Variants in CFAP20DC observed in about 807,000 individuals in gnomAD.
CFAP20DC encodes the protein CFAP20 domain containing.
Under a neutral mutation model 101.7 loss-of-function variants are expected in CFAP20DC, and 84 were observed. The observed-to-expected ratio is 0.83, with a 90% CI of 0.69 to 0.99. CFAP20DC has a LOEUF of 0.99. Ranked by LOEUF, CFAP20DC falls within the 50% of genes least tolerant of loss-of-function variation. The probability of loss-of-function intolerance (pLI) is 0.00; values close to 1 mark genes in which losing one functional copy is unlikely to be tolerated. For missense variants in CFAP20DC, 1,007 were observed against 970.3 expected (o/e 1.04, Z -0.50); for synonymous variants, 359 against 351.2 (o/e 1.02, Z -0.25).
chr3:58,900,174 G>A (rs1245666897), intron 6 of CFAP20DC, among the ~76,000 whole-genome samples: 5 of 152,144 alleles, frequency 3.3e-5, no homozygotes, highest in African/African-American at 7.2e-5. Flanking sequence ...GAAGGACTCT[G>A]GTGCATTCTA....
chr3:58,934,036 A>G (rs560613633), intron 5 of CFAP20DC, among the ~76,000 whole-genome samples: 1 of 152,214 alleles, frequency 6.6e-6, no homozygotes, highest in Non-Finnish European at 1.5e-5. Context: ...AAGACTAATA[A>G]AGAAGAAAAC....
rs1290049607 is a variant in CFAP20DC at position 58,882,982 on chromosome 3, T to A, written c.715+1563A>T. On this transcript the variant is annotated intron_variant, in intron 7 of 16. Transcript: ENST00000482387. This position sits in a 1 kb window ranked among gnomAD's most constrained non-coding sequence, Gnocchi z 4.2. ...GGTTACCAAATAGGTCCCAGTTCTC[T>A]GGGAATATACAATTTAGGACATGCA... 6.6e-6 allele frequency among the ~76,000 whole-genome samples: 1 copy of A among 152,222 alleles called. No homozygotes were observed. Among genetic ancestry groups the A allele is most frequent in the Non-Finnish European group, 1.5e-5 (1 of 68,042 alleles).
At chr3:58,918,897 C>A (rs1416942565) in intron 5 of CFAP20DC, among the ~76,000 whole-genome samples, 6 of 152,172 alleles carry the variant, frequency 3.9e-5, no homozygotes, top group Non-Finnish European at 8.8e-5. Flanking sequence ...TACATGCAAA[C>A]ACTTATAAAA....
In CFAP20DC at chr3:58,729,211, T is replaced by C. The variant is rs893254989; in HGVS notation, c.198-11583A>G. Among the ~76,000 whole-genome samples the C allele has an allele frequency of 1.3e-5, 2 of 152,234 alleles. No individual in the cohort carries two copies. The highest frequency in any genetic ancestry group is 2.4e-5 in the African/African-American group (1 of 41,464). On this transcript the variant is annotated intron_variant, in intron 3 of 3. Transcript: ENST00000486145. The surrounding 1 kb of genome is among the most constrained non-coding windows in gnomAD (Gnocchi z 4.4). ...TTTAAGCAACTAAGTTTTAGGGTAA[T>C]GTGTTATGCAGCAATAGACAACTAA... is the stretch of plus-strand genomic sequence containing the variant.
intron 15 of CFAP20DC, among the ~76,000 whole-genome samples, chr3:58,779,232 T>C (rs1269879630): frequency 6.6e-6 from 1 of 151,888 alleles, no homozygotes; most frequent in African/African-American, 2.4e-5. Flanking sequence ...AGAAAAACAA[T>C]TCAGGATATG....
At position 58,801,050 on chromosome 3, in the gene CFAP20DC, T is replaced by TGAGAGA. The variant is rs143776206; in HGVS notation, c.2237+5339_2237+5344dup. ...GGGTGGGGTGGGGGTGGGGAGTAAG[T>TGAGAGA]GAGAGAGAGAGAGAGAGAGAGAGAA... is the stretch of plus-strand genomic sequence containing the variant. On this transcript the variant is annotated intron_variant, in intron 15 of 16. Transcript: ENST00000482387. Among the ~76,000 whole-genome samples the TGAGAGA allele has an allele frequency of 7.6e-4, 100 of 131,740 alleles. 1 individual carries two copies. The highest frequency in any genetic ancestry group is 2.9e-3 in the African/African-American group (92 of 31,870). 86.4% of individuals were successfully genotyped at this position (131,740 alleles called of 152,430 possible). A position where few individuals can be genotyped will look rare whatever the true frequency, so the allele number is the denominator to read the frequency against.
At chr3:58,890,578 C>T (rs1302178125) in intron 6 of CFAP20DC, among the ~76,000 whole-genome samples, 2 of 149,634 alleles carry the variant, frequency 1.3e-5, no homozygotes, top group Non-Finnish European at 3.0e-5. Context: ...ACCCCCCCAC[C>T]TCCCTCCCGG....
intron 5 of CFAP20DC, among the ~76,000 whole-genome samples, chr3:58,931,780 C>T (rs867764554): frequency 1.3e-5 from 2 of 152,172 alleles, no homozygotes; most frequent in Non-Finnish European, 2.9e-5. Flanking sequence ...CTGTACATCA[C>T]CATCATCAAA....
At chr3:58,833,278 C>A (rs1269412054) in intron 13 of CFAP20DC, among the ~76,000 whole-genome samples, 2 of 152,154 alleles carry the variant, frequency 1.3e-5, no homozygotes, top group African/African-American at 4.8e-5. Flanking sequence ...CAGCTTGGCA[C>A]TGTGAGAGGC....
At chr3:58,761,320 T>C (rs1242622541) in intron 15 of CFAP20DC, among the ~76,000 whole-genome samples, 3 of 152,080 alleles carry the variant, frequency 2.0e-5, no homozygotes, top group Admixed American at 1.3e-4. Context: ...AGTTTATTTG[T>C]GTAGAGGTGT....
intron 4 of CFAP20DC, among the ~76,000 whole-genome samples, chr3:58,948,896 T>C (rs932912464): frequency 4.6e-5 from 7 of 152,352 alleles, no homozygotes; most frequent in African/African-American, 1.7e-4. Flanking sequence ...CTGGTAGAAT[T>C]CGGCTGTGAA....
chr3:58,889,102 T>C (rs541113514), intron 6 of CFAP20DC, among the ~76,000 whole-genome samples: 2 of 152,188 alleles, frequency 1.3e-5, no homozygotes, highest in Non-Finnish European at 2.9e-5. Flanking sequence ...CACAGAATAT[T>C]TCACATTCTT....
At chr3:58,937,616 A>T in intron 5 of CFAP20DC, 32 bp downstream of exon 5, 1 of 1,280,054 alleles carries the variant, frequency 7.8e-7, no homozygotes, top group Non-Finnish European at 1.1e-6. Context: ...AATTGAATTT[A>T]ATATTTTAGG....
intron 6 of CFAP20DC, among the ~76,000 whole-genome samples, chr3:58,911,335 T>C (rs138527611): frequency 2.6e-3 from 392 of 152,300 alleles, no homozygotes; most frequent in African/African-American, 8.2e-3. Flanking sequence ...GAATGTTTAG[T>C]ACAAGAATGC....
chr3:58,777,881 C>A (rs1490410168), intron 15 of CFAP20DC, among the ~76,000 whole-genome samples: 4 of 152,168 alleles, frequency 2.6e-5, no homozygotes. Flanking sequence ...ATGCTCAATC[C>A]TACAAACCAC....
intron 6 of CFAP20DC, among the ~76,000 whole-genome samples, chr3:58,891,113 A>G (rs1321714678): frequency 6.6e-6 from 1 of 150,980 alleles, no homozygotes; most frequent in Non-Finnish European, 1.5e-5. Context: ...AGATCACGCC[A>G]CTGCACTCCA....
At chr3:59,009,700 C>G (rs1254943056) in intron 4 of CFAP20DC, among the ~76,000 whole-genome samples, 2 of 152,080 alleles carry the variant, frequency 1.3e-5, no homozygotes, top group Non-Finnish European at 2.9e-5. Context: ...ACCTAGACTA[C>G]CAAATACAAG....
Position 58,992,511 on chromosome 3 carries a change from G to A in CFAP20DC, c.278+47046C>T, listed in dbSNP as rs753445943. 2.0e-5 allele frequency: 19 copies of A among 952,318 alleles called. No homozygotes were observed. The East Asian group carries it at 4.6e-4, about 23-fold the overall frequency. The allele number at this position is 952,318 out of a possible 1,614,324, so 59.0% of individuals were successfully genotyped here. ...AAATGAAAGAAAAAAACCTCACCTC[G>A]TTCTTCAAATGGTTTGAGAAGTCCT... On this transcript the variant is annotated intron_variant, in intron 4 of 16. Coordinates refer to ENST00000482387, the MANE Select transcript of CFAP20DC (RefSeq NM_001394063.1).
chr3:58,758,687 C>A (rs920118757), intron 15 of CFAP20DC, among the ~76,000 whole-genome samples: 6 of 152,122 alleles, frequency 3.9e-5, no homozygotes, highest in East Asian at 3.9e-4. Flanking sequence ...ATCCCTCCCC[C>A]TTCCCCTCAC....
Sources: allele counts gnomAD v4.1 joint callset (sites outside exome capture counted in the v4.1 genomes callset), GRCh38; gene constraint gnomAD v4.1.1; non-coding constraint Gnocchi (gnomAD v3.1); transcripts MANE v1.5; gene names NCBI Gene and HGNC (gene_info 2026-07-23, HGNC 2026-07-21).